PPARGC1A: variants seen among roughly 807,000 people sequenced by gnomAD.
PPARGC1A encodes the protein peroxisome proliferator-activated receptor gamma coactivator 1-alpha.
Under a neutral mutation model 88.7 loss-of-function variants are expected in PPARGC1A, and 25 were observed. The observed-to-expected ratio is 0.28, with a 90% CI of 0.21 to 0.39. The LOEUF (loss-of-function observed/expected upper bound fraction) is 0.39, where lower values mean the gene tolerates loss of function less well. PPARGC1A is among the 10% of genes least tolerant of loss of function. The pLI, the probability that PPARGC1A is intolerant of heterozygous loss-of-function variation, is 1.00. For synonymous variants in PPARGC1A, 363 were observed against 355.6 expected (o/e 1.02, Z -0.24); for missense variants, 880 against 968.7 (o/e 0.91, Z 1.22).
At chr4:24,271,874 T>C in the PPARGC1A span, among the ~76,000 whole-genome samples, 1 of 152,262 alleles carries the variant, frequency 6.6e-6, no homozygotes, top group African/African-American at 2.4e-5. Context: ...ATCTATGTAT[T>C]GAGATAGACA....
the PPARGC1A span, among the ~76,000 whole-genome samples, chr4:24,053,639 C>G: frequency 6.6e-6 from 1 of 152,206 alleles, no homozygotes; most frequent in Non-Finnish European, 1.5e-5. Flanking sequence ...CACAGTCAGA[C>G]ATAGGTGGGT....
At chr4:23,851,751 A>G (rs1729335479) in intron 2 of PPARGC1A, among the ~76,000 whole-genome samples, 3 of 152,276 alleles carry the variant, frequency 2.0e-5, no homozygotes, top group South Asian at 2.1e-4. Flanking sequence ...TTATTGTCTC[A>G]TGTTTCACTA....
At chr4:24,387,766 G>GAGAGAAAGAA in the PPARGC1A span, among the ~76,000 whole-genome samples, 24 of 52,076 alleles carry the variant, frequency 4.6e-4, no homozygotes, top group African/African-American at 7.8e-4. Context: ...GAGAGAGAGA[G>GAGAGAAAGAA]AGAAAGAAAG....
chr4:23,889,773 T>G, intron 1 of PPARGC1A, 131 bp downstream of exon 1: 1 of 1,085,722 alleles, frequency 9.2e-7, no homozygotes, highest in Non-Finnish European at 1.3e-6. Flanking sequence ...ATTGAGATTC[T>G]TCTAAAAGCT....
intron 7 of PPARGC1A, 37 bp from the exon 8 acceptor site, chr4:23,814,642 A>G: frequency 7.0e-7 from 1 of 1,424,950 alleles, no homozygotes; most frequent in Non-Finnish European, 9.4e-7. Flanking sequence ...AAAAAGAGAG[A>G]GAAAGAAAAG....
At chr4:23,953,021 C>T in the PPARGC1A span, among the ~76,000 whole-genome samples, 1 of 151,998 alleles carries the variant, frequency 6.6e-6, no homozygotes, top group Non-Finnish European at 1.5e-5. Flanking sequence ...TATTGCCTAC[C>T]TACCTGAAAA....
intron 2 of PPARGC1A, among the ~76,000 whole-genome samples, chr4:23,849,790 T>C (rs1036938879): frequency 6.6e-6 from 1 of 151,496 alleles, no homozygotes; most frequent in Admixed American, 6.6e-5. Context: ...CTTCTTGTAT[T>C]TATTTGTAGA....
the PPARGC1A span, among the ~76,000 whole-genome samples, chr4:23,926,906 T>G: frequency 2.6e-5 from 4 of 152,222 alleles, no homozygotes; most frequent in Non-Finnish European, 5.9e-5. Context: ...TGGCTCTCTG[T>G]TATTCATATA....
At chr4:24,260,935 T>C in the PPARGC1A span, among the ~76,000 whole-genome samples, 1 of 152,198 alleles carries the variant, frequency 6.6e-6, no homozygotes, top group African/African-American at 2.4e-5. Context: ...GCTGTGAATT[T>C]CCACCTTGAC....
At chr4:23,982,910 C>T in the PPARGC1A span, among the ~76,000 whole-genome samples, 5 of 152,140 alleles carry the variant, frequency 3.3e-5, no homozygotes, top group East Asian at 9.7e-4. Flanking sequence ...GCCCATGGGC[C>T]GAATTTGGCT....
At chr4:24,154,620 C>T in the PPARGC1A span, among the ~76,000 whole-genome samples, 434 of 152,230 alleles carry the variant, frequency 2.9e-3, 1 homozygote, top group African/African-American at 9.9e-3. Flanking sequence ...TCAGGTGAAG[C>T]GCATGTCCCG....
chr4:24,087,442 T>A, the PPARGC1A span, among the ~76,000 whole-genome samples: 1 of 152,190 alleles, frequency 6.6e-6, no homozygotes, highest in Non-Finnish European at 1.5e-5. Flanking sequence ...GGCCACAGTG[T>A]GGTGACATGG....
At chr4:24,200,763 C>A in the PPARGC1A span, among the ~76,000 whole-genome samples, 6 of 147,734 alleles carry the variant, frequency 4.1e-5, 1 homozygote, top group African/African-American at 1.5e-4. Flanking sequence ...GCTATATTAT[C>A]CTCTGTGTTT....
At chr4:24,117,435 A>G in the PPARGC1A span, among the ~76,000 whole-genome samples, 81 of 152,228 alleles carry the variant, frequency 5.3e-4, no homozygotes, top group Non-Finnish European at 9.1e-4. Context: ...CTTATAGAGC[A>G]AAGGAGAGCA....
chr4:23,972,063 T>C, the PPARGC1A span, among the ~76,000 whole-genome samples: 2 of 152,148 alleles, frequency 1.3e-5, no homozygotes, highest in Non-Finnish European at 2.9e-5. Flanking sequence ...TCTAATGATG[T>C]TGGTTAAGTA....
chr4:24,075,903 A>G, the PPARGC1A span, among the ~76,000 whole-genome samples: 4 of 152,282 alleles, frequency 2.6e-5, no homozygotes, highest in East Asian at 7.7e-4. Flanking sequence ...AGCTAGGACC[A>G]GGTTCTGACC....
At chr4:23,916,190 C>A in the PPARGC1A span, among the ~76,000 whole-genome samples, 5 of 152,188 alleles carry the variant, frequency 3.3e-5, no homozygotes, top group African/African-American at 9.6e-5. Flanking sequence ...AACGTACTGG[C>A]AGTTAATTTG....
chr4:24,043,869 C>T, the PPARGC1A span, among the ~76,000 whole-genome samples: 9 of 151,734 alleles, frequency 5.9e-5, no homozygotes, highest in Non-Finnish European at 1.2e-4. Flanking sequence ...TTTTTTTGTC[C>T]TCCACTGCCC....
chr4:23,962,472 G>A, the PPARGC1A span, among the ~76,000 whole-genome samples: 22 of 152,170 alleles, frequency 1.4e-4, no homozygotes, highest in East Asian at 2.9e-3. Context: ...GATACCACTC[G>A]AGTCTACCAT....
Sources: allele counts gnomAD v4.1 joint callset (sites outside exome capture counted in the v4.1 genomes callset), GRCh38; gene constraint gnomAD v4.1.1; transcripts MANE v1.5; gene names NCBI Gene and HGNC (gene_info 2026-07-23, HGNC 2026-07-21).